CRPPA: variants seen among roughly 807,000 people sequenced by gnomAD.
CRPPA encodes D-ribitol-5-phosphate cytidylyltransferase.
Under a neutral mutation model 52.0 loss-of-function variants are expected in CRPPA, and 43 were observed. The observed-to-expected ratio is 0.83, with a 90% CI of 0.65 to 1.07. The LOEUF (loss-of-function observed/expected upper bound fraction) is 1.07, where lower values mean the gene tolerates loss of function less well. CRPPA is among the 50% of genes least tolerant of loss of function. The pLI is 0.00. For missense variants in CRPPA, 629 were observed against 551.7 expected, an observed-to-expected ratio of 1.14 and a Z score of -1.40; for synonymous variants, 250 against 203.5, an observed-to-expected ratio of 1.23 and a Z score of -1.94.
intron 8 of CRPPA, among the ~76,000 whole-genome samples, chr7:16,219,163 G>C (rs1782426837): frequency 2.0e-5 from 3 of 151,922 alleles, no homozygotes; most frequent in African/African-American, 7.2e-5. Context: ...CAACTACATG[G>C]AAACTGAACA....
chr7:16,158,495 G>T (rs888074511), intron 9 of CRPPA, among the ~76,000 whole-genome samples: 3 of 151,988 alleles, frequency 2.0e-5, no homozygotes, highest in South Asian at 4.2e-4. Flanking sequence ...ACAGGGACAG[G>T]TGGAAATTTT....
intron 9 of CRPPA, among the ~76,000 whole-genome samples, chr7:16,176,730 C>A (rs1781305423): frequency 7.0e-6 from 1 of 142,256 alleles, no homozygotes; most frequent in Admixed American, 7.2e-5. Flanking sequence ...GCATGCACCA[C>A]CATACCTGGC....
intron 5 of CRPPA, among the ~76,000 whole-genome samples, chr7:16,291,823 C>A (rs1244809880): frequency 6.6e-6 from 1 of 151,838 alleles, no homozygotes; most frequent in Admixed American, 6.6e-5. Context: ...TCAAAGTACC[C>A]ATAAATATGT....
intron 2 of CRPPA, among the ~76,000 whole-genome samples, chr7:16,387,044 GATATATATATATATATATATATAT>G (rs57024916): frequency 4.5e-4 from 43 of 96,020 alleles, no homozygotes; most frequent in Non-Finnish European, 6.5e-4. Context: ...ATAAAAAAAA[GATATATATATATATATATATATAT>G]ATATATATAT....
intron 9 of CRPPA, among the ~76,000 whole-genome samples, chr7:16,118,655 G>C (rs1782425434): frequency 1.3e-5 from 2 of 152,160 alleles, no homozygotes; most frequent in Admixed American, 1.3e-4. Context: ...TTCATTGATA[G>C]TTAAGATGAA....
chr7:16,249,789 G>A (rs1275581902), intron 8 of CRPPA, among the ~76,000 whole-genome samples: 1 of 152,156 alleles, frequency 6.6e-6, no homozygotes, highest in East Asian at 1.9e-4. Flanking sequence ...AGTGCAGAAA[G>A]GCTGAAAAGT....
chr7:16,247,530 TAA>T (rs1160682496), intron 8 of CRPPA, among the ~76,000 whole-genome samples: 1 of 152,092 alleles, frequency 6.6e-6, no homozygotes, highest in Non-Finnish European at 1.5e-5. Flanking sequence ...AATAGTAATA[TAA>T]GAGATCACTG....
chr7:16,200,529 G>T (rs10244600), intron 9 of CRPPA, among the ~76,000 whole-genome samples: 97,695 of 152,034 alleles, frequency 0.64, 31,724 homozygotes, highest in Admixed American at 0.7. Context: ...TTGGAATGAC[G>T]TGACACATAA....
chr7:16,380,827 A>T (rs996969381), intron 2 of CRPPA, among the ~76,000 whole-genome samples: 1 of 152,134 alleles, frequency 6.6e-6, no homozygotes, highest in Non-Finnish European at 1.5e-5. Context: ...CTGTGGGATC[A>T]GTGGTGATAT....
intron 9 of CRPPA, among the ~76,000 whole-genome samples, chr7:16,205,862 G>A (rs571402612): frequency 6.6e-5 from 10 of 151,644 alleles, no homozygotes; most frequent in East Asian, 3.9e-4. Flanking sequence ...TCTTAAATAC[G>A]AAGCCAGAAA....
chr7:16,248,005 C>G (rs1783326149), intron 8 of CRPPA: 1 of 151,818 alleles, frequency 6.6e-6, no homozygotes, highest in African/African-American at 2.4e-5. Flanking sequence ...ATAAAAAAGC[C>G]TAGGATTGAG....
At chr7:16,387,068 T>TAC (rs1554352503) in intron 2 of CRPPA, among the ~76,000 whole-genome samples, 2 of 68,754 alleles carry the variant, frequency 2.9e-5, no homozygotes, top group African/African-American at 7.7e-5. Context: ...TATATATATA[T>TAC]ATATATATAT....
At chr7:16,223,787 A>G (rs1782580922) in intron 8 of CRPPA, among the ~76,000 whole-genome samples, 1 of 152,200 alleles carries the variant, frequency 6.6e-6, no homozygotes, top group Admixed American at 6.5e-5. Flanking sequence ...AAATAAACTT[A>G]CAGCCTGGAC....
intron 4 of CRPPA, among the ~76,000 whole-genome samples, chr7:16,303,491 A>AAAAAAAAAAAAAAAAAAAAAAAAAAAAC (rs766268683): frequency 1.5e-4 from 19 of 125,024 alleles, no homozygotes; most frequent in East Asian, 9.8e-4. Flanking sequence ...AAAAAAAAAA[A>AAAAAAAAAAAAAAAAAAAAAAAAAAAAC]AAAAAAAAAA....
chr7:16,140,470 C>T (rs1007189970), intron 9 of CRPPA, among the ~76,000 whole-genome samples: 3 of 152,126 alleles, frequency 2.0e-5, no homozygotes, highest in Non-Finnish European at 4.4e-5. Context: ...CAGTCCTATA[C>T]TACTGATTTT....
chr7:16,415,364 T>C (rs1394088491), intron 1 of CRPPA, among the ~76,000 whole-genome samples: 1 of 152,186 alleles, frequency 6.6e-6, no homozygotes, highest in Non-Finnish European at 1.5e-5. Flanking sequence ...ACTAAGGATC[T>C]CACTGTATCA....
chr7:16,244,379 T>A (rs1267082478), intron 8 of CRPPA, among the ~76,000 whole-genome samples: 5 of 152,182 alleles, frequency 3.3e-5, no homozygotes, highest in Admixed American at 1.3e-4. Flanking sequence ...CCAAGCACCA[T>A]TAACTATCCA....
intron 9 of CRPPA, among the ~76,000 whole-genome samples, chr7:16,207,718 T>C (rs1486431202): frequency 1.3e-5 from 2 of 152,220 alleles, no homozygotes; most frequent in Non-Finnish European, 2.9e-5. Flanking sequence ...CATGCCATTA[T>C]TTCTTCACTA....
At chr7:16,162,907 C>T (rs148520279) in intron 9 of CRPPA, among the ~76,000 whole-genome samples, 169 of 150,944 alleles carry the variant, frequency 1.1e-3, no homozygotes, top group African/African-American at 3.9e-3. Context: ...CTTCCTGTTG[C>T]ATTGATCCCT....
Sources: gnomAD v4.1 joint callset for allele counts (sites outside exome capture counted in the v4.1 genomes callset) on GRCh38, gnomAD v4.1.1 for gene constraint, MANE v1.5 for transcripts, NCBI Gene and HGNC (gene_info 2026-07-23, HGNC 2026-07-21) for gene names.